CLSTN1: variants seen among roughly 807,000 people sequenced by gnomAD.
CLSTN1 encodes the protein calsyntenin 1, also known as calsyntenin-1.
Under a neutral mutation model 108.3 loss-of-function variants are expected in CLSTN1, and 28 were observed. The observed-to-expected ratio is 0.26, with a 90% CI of 0.19 to 0.35. The LOEUF (loss-of-function observed/expected upper bound fraction) is 0.35, where lower values mean the gene tolerates loss of function less well. Ranked by LOEUF, CLSTN1 falls within the 10% of genes least tolerant of loss-of-function variation. The pLI, the probability that CLSTN1 is intolerant of heterozygous loss-of-function variation, is 1.00. For synonymous variants in CLSTN1, 524 were observed against 534.9 expected, an observed-to-expected ratio of 0.98 and a Z score of 0.28; for missense variants, 1,157 against 1,302.6, an observed-to-expected ratio of 0.89 and a Z score of 1.72.
rs1241655939 is a variant in CLSTN1 at position 9,823,579 on chromosome 1, G to A, written c.91+64C>T. On this transcript the variant is annotated intron_variant, in intron 1 of 18. Transcript: ENST00000377298. The surrounding 1 kb of genome is among the most constrained non-coding windows in gnomAD (Gnocchi z 6.3). ...GACCCGAATCCCCGCACCGGGACCCGAATCCTGCACCCGGACCCGAATCCC... is the reference window on the plus strand; with the variant it reads ...GACCCGAATCCCCGCACCGGGACCCAAATCCTGCACCCGGACCCGAATCCC... The A allele has an allele frequency of 3.7e-6, 4 of 1,093,940 alleles. No homozygotes were observed. In the East Asian group the frequency reaches 1.1e-4, roughly 31 times the overall value. 67.8% of individuals were successfully genotyped at this position (1,093,940 alleles called of 1,614,324 possible). A position where few individuals can be genotyped will look rare whatever the true frequency, so the allele number is the denominator to read the frequency against.
chr1:9,810,049 A>C (rs1029415085), intron 1 of CLSTN1, among the ~76,000 whole-genome samples: 2 of 75,870 alleles, frequency 2.6e-5, no homozygotes, highest in African/African-American at 1.0e-4. Context: ...AGAGAGAGAG[A>C]GAAAGAGAGA....
chr1:9,752,172 C>G (rs1651589172), intron 4 of CLSTN1, among the ~76,000 whole-genome samples: 1 of 152,158 alleles, frequency 6.6e-6, no homozygotes, highest in South Asian at 2.1e-4. Context: ...TGTCCTACTT[C>G]TAGGGAATAG....
At chr1:9,812,731 C>T (rs527960300) in intron 1 of CLSTN1, among the ~76,000 whole-genome samples, 43 of 151,812 alleles carry the variant, frequency 2.8e-4, no homozygotes, top group Non-Finnish European at 5.4e-4. Flanking sequence ...GCCTGTAATT[C>T]CAGCTACTCA....
At chr1:9,746,299 A>C (rs376432958) in intron 7 of CLSTN1, among the ~76,000 whole-genome samples, 1 of 152,248 alleles carries the variant, frequency 6.6e-6, no homozygotes, top group East Asian at 1.9e-4. Context: ...AAATTAAAAA[A>C]ATTTTTTTTT....
At chr1:9,780,006 C>T (rs1025678243) in intron 1 of CLSTN1, among the ~76,000 whole-genome samples, 5 of 152,068 alleles carry the variant, frequency 3.3e-5, no homozygotes, top group Non-Finnish European at 7.4e-5. Context: ...ACGTGCATCA[C>T]CACACTCGGC....
Position 9,731,902 on chromosome 1 carries a change from G to C in CLSTN1, c.2428-6C>G, listed in dbSNP as rs1024916738. On this transcript the variant is annotated splice_polypyrimidine_tract_variant and splice_region_variant and intron_variant, in intron 16 of 18. Transcript: ENST00000377298. The stretch of plus-strand genomic sequence containing the variant: ...GCCGTGTGGATTACATTCACCTATA[G>C]CAGAGAAAGAGAGGATCGCTGGAGA... 1.2e-6 allele frequency: 2 copies of C among 1,614,166 alleles called. No individual in the cohort carries two copies. The highest frequency in any genetic ancestry group is 2.7e-5 in the African/African-American group (2 of 75,036).
chr1:9,778,540 C>T (rs558956900), intron 1 of CLSTN1, among the ~76,000 whole-genome samples: 3 of 151,994 alleles, frequency 2.0e-5, no homozygotes, highest in African/African-American at 4.8e-5. Flanking sequence ...CTAGAGACAA[C>T]GCACGAAACC....
At chr1:9,792,585 GAC>G (rs1300961121) in intron 1 of CLSTN1, among the ~76,000 whole-genome samples, 1 of 151,408 alleles carries the variant, frequency 6.6e-6, no homozygotes, top group Non-Finnish European at 1.5e-5. Context: ...AATTACCAGG[GAC>G]ACAGACTCCA....
chr1:9,804,236 G>T (rs1243192811), intron 1 of CLSTN1, among the ~76,000 whole-genome samples: 1 of 151,786 alleles, frequency 6.6e-6, no homozygotes, highest in Non-Finnish European at 1.5e-5. Flanking sequence ...GGTGGCGGGC[G>T]CCTGTAGTCC....
chr1:9,786,648 C>CAAAAAA (rs36003203), intron 1 of CLSTN1, among the ~76,000 whole-genome samples: 9 of 37,050 alleles, frequency 2.4e-4, no homozygotes, highest in African/African-American at 4.8e-4. Flanking sequence ...GACTCCGTCT[C>CAAAAAA]AAAAAAAAAA....
In CLSTN1 at chr1:9,730,268, G is replaced by A. The variant is rs767817575; in HGVS notation, c.*240C>T. On this transcript the variant is annotated 3_prime_UTR_variant, in exon 19 of 19. Coordinates refer to ENST00000377298, the MANE Select transcript of CLSTN1 (RefSeq NM_001009566.3). This position sits in a 1 kb window ranked among gnomAD's most constrained non-coding sequence, Gnocchi z 5.6. The stretch of plus-strand genomic sequence containing the variant: ...CTGAGGCGCTGGGAGGCCCCTGTGC[G>A]AGCCGGATGGCGGCCAGAGAGGACG... 1.0e-5 allele frequency: 6 copies of A among 573,900 alleles called. 1 individual carries two copies. The highest frequency in any genetic ancestry group is 4.6e-4 in the Middle Eastern group (1 of 2,160). The allele number at this position is 573,900 out of a possible 1,614,324, so 35.6% of individuals were successfully genotyped here.
At position 9,730,664 on chromosome 1, in the gene CLSTN1, C is replaced by T. The variant is rs1203237616; in HGVS notation, c.2790G>A (p.Glu930=). ...DQHSSEEEEE[E]EEEEESEDGE... ...CGTCCTCGCTTTCCTCTTCCTCTTC[C>T]TCTTCCTCCTCCTCCTCACTGCTGT... The change falls in exon 19 of 19, where the codon GAG becomes GAA. Residue 930 remains glutamate, a synonymous_variant. Transcript: ENST00000377298. This position sits in a 1 kb window ranked among gnomAD's most constrained non-coding sequence, Gnocchi z 5.6. 4 of 1,610,134 alleles carry T rather than the reference C, an allele frequency of 2.5e-6. No homozygotes were observed. Among genetic ancestry groups the T allele is most frequent in the South Asian group, 1.1e-5 (1 of 91,032 alleles).
intron 1 of CLSTN1, among the ~76,000 whole-genome samples, chr1:9,779,003 A>C (rs975145258): frequency 8.0e-5 from 12 of 150,382 alleles, no homozygotes; most frequent in African/African-American, 2.7e-4. Context: ...AGCCTGGGAG[A>C]GAAGCGAGAG....
chr1:9,739,839 C>T (rs1410998864), intron 10 of CLSTN1, among the ~76,000 whole-genome samples: 2 of 125,920 alleles, frequency 1.6e-5, no homozygotes, highest in African/African-American at 3.2e-5. Flanking sequence ...TTTTTTGAGA[C>T]GGAGTTTCGC....
At chr1:9,745,242 A>C (rs1259051865) in intron 7 of CLSTN1, among the ~76,000 whole-genome samples, 1 of 151,974 alleles carries the variant, frequency 6.6e-6, no homozygotes, top group Non-Finnish European at 1.5e-5. Context: ...AAAAAAAAAA[A>C]AAAACAAAAA....
intron 1 of CLSTN1, among the ~76,000 whole-genome samples, chr1:9,791,325 C>G (rs142990946): frequency 1.3e-5 from 2 of 151,490 alleles, no homozygotes; most frequent in East Asian, 3.9e-4. Flanking sequence ...AGGCTGCAGC[C>G]TCCAACTCCT....
chr1:9,740,989 C>T, intron 10 of CLSTN1, 105 bp downstream of exon 10: 1 of 1,250,432 alleles, frequency 8.0e-7, no homozygotes, highest in Non-Finnish European at 1.1e-6. Context: ...AGATCCAGGA[C>T]ACGAGGGTAA....
chr1:9,785,376 G>C (rs1054289217), intron 1 of CLSTN1, among the ~76,000 whole-genome samples: 1 of 151,502 alleles, frequency 6.6e-6, no homozygotes, highest in Non-Finnish European at 1.5e-5. Flanking sequence ...AAGAATCTCT[G>C]TATGCACAGG....
intron 2 of CLSTN1, among the ~76,000 whole-genome samples, chr1:9,770,382 T>C (rs1432650345): frequency 1.3e-5 from 2 of 152,224 alleles, no homozygotes; most frequent in African/African-American, 2.4e-5. Flanking sequence ...AAATATTTCA[T>C]TGATAAGACT....
Sources: allele counts gnomAD v4.1 joint callset (sites outside exome capture counted in the v4.1 genomes callset), GRCh38; gene constraint gnomAD v4.1.1; non-coding constraint Gnocchi (gnomAD v3.1); transcripts MANE v1.5; gene names NCBI Gene and HGNC (gene_info 2026-07-23, HGNC 2026-07-21).